The following PDE1C variants were observed in gnomAD, a reference collection of about 807,000 sequenced individuals.
The protein encoded by PDE1C is dual specificity calcium/calmodulin-dependent 3',5'-cyclic nucleotide phosphodiesterase 1C.
PDE1C carries 62 observed loss-of-function variants against 93.1 expected under a neutral mutation model. The ratio of observed to expected loss-of-function variants is 0.67; its 90% CI spans 0.54 to 0.82. The LOEUF (loss-of-function observed/expected upper bound fraction) is 0.82, where lower values mean the gene tolerates loss of function less well. Ranked by LOEUF, PDE1C falls within the 40% of genes least tolerant of loss-of-function variation. The pLI is 0.00. For synonymous variants in PDE1C, 325 were observed against 310.1 expected (o/e 1.05, Z -0.50); for missense variants, 742 against 884.6 (o/e 0.84, Z 2.04).
chr7:31,867,849 C>T (rs975022446), intron 6 of PDE1C, among the ~76,000 whole-genome samples: 9 of 152,216 alleles, frequency 5.9e-5, no homozygotes, highest in African/African-American at 2.2e-4. Context: ...TCAGGCCCAA[C>T]TGGCATCCCA....
chr7:31,880,054 T>C (rs369413976), intron 3 of PDE1C, among the ~76,000 whole-genome samples: 5 of 152,142 alleles, frequency 3.3e-5, no homozygotes, highest in African/African-American at 1.2e-4. Context: ...ATACAAATCT[T>C]AGATTACTGT....
intron 2 of PDE1C, among the ~76,000 whole-genome samples, chr7:31,882,253 G>A (rs1332721115): frequency 2.6e-5 from 4 of 152,160 alleles, no homozygotes. Context: ...ATCAGCAGAG[G>A]CCCCTGCAGG....
chr7:31,972,252 A>G (rs1311012293), intron 2 of PDE1C, among the ~76,000 whole-genome samples: 2 of 152,240 alleles, frequency 1.3e-5, no homozygotes, highest in Non-Finnish European at 2.9e-5. Context: ...ATTGCTGAGA[A>G]ATACATTTGG....
At chr7:31,803,704 A>G (rs1209272274) in intron 16 of PDE1C, among the ~76,000 whole-genome samples, 1 of 151,950 alleles carries the variant, frequency 6.6e-6, no homozygotes, top group East Asian at 1.9e-4. Context: ...AGTTTCATCC[A>G]TGTCCCTACA....
intron 3 of PDE1C, among the ~76,000 whole-genome samples, chr7:32,131,163 C>T (rs1193444430): frequency 6.6e-6 from 1 of 152,108 alleles, no homozygotes; most frequent in Admixed American, 6.6e-5. Flanking sequence ...ATTCAAGCAT[C>T]ACCTTTCAAA....
intron 2 of PDE1C, among the ~76,000 whole-genome samples, chr7:32,205,637 C>G (rs542256337): frequency 5.3e-5 from 8 of 152,292 alleles, no homozygotes; most frequent in South Asian, 2.1e-4. Flanking sequence ...TGCTTGTGCC[C>G]TGCAGAAGCT....
At chr7:31,987,200 G>T (rs568277270) in intron 2 of PDE1C, among the ~76,000 whole-genome samples, 16 of 152,204 alleles carry the variant, frequency 1.1e-4, no homozygotes, top group African/African-American at 1.9e-4. Flanking sequence ...AAAAAAGAAG[G>T]CTCTTTACAT....
intron 3 of PDE1C, among the ~76,000 whole-genome samples, chr7:32,166,852 T>A (rs940041816): frequency 6.6e-6 from 1 of 152,134 alleles, no homozygotes; most frequent in Admixed American, 6.5e-5. Flanking sequence ...AGTTTATAGA[T>A]GATATACTTA....
At chr7:31,908,553 G>C (rs1302572854) in intron 2 of PDE1C, among the ~76,000 whole-genome samples, 1 of 152,174 alleles carries the variant, frequency 6.6e-6, no homozygotes, top group Non-Finnish European at 1.5e-5. Flanking sequence ...GGAAAGTCAA[G>C]TCCATGACCT....
rs538246258 is a variant in PDE1C, at chr7:32,212,899, T to C, written c.86-3360A>G. The stretch of plus-strand genomic sequence containing the variant: ...AGGTTTCTTAGAATACAGTTTCTAA[T>C]TTGATGCATCTGGTGTGAGGCCCAA... On this transcript the variant is annotated intron_variant, in intron 1 of 18. Coordinates refer to the PDE1C transcript ENST00000396193. 2.0e-5 allele frequency among the ~76,000 whole-genome samples: 3 copies of C among 152,312 alleles called. No individual in the cohort carries two copies. The East Asian group carries it at 5.8e-4, about 29-fold the overall frequency.
At chr7:31,643,944 G>A in the PDE1C span, 3 of 1,608,742 alleles carry the variant, frequency 1.9e-6, no homozygotes, top group Non-Finnish European at 2.5e-6. Flanking sequence ...CAGTGAGGGA[G>A]CTATGTTCCG....
chr7:31,907,868 A>T (rs1031298510), intron 2 of PDE1C, among the ~76,000 whole-genome samples: 2 of 152,158 alleles, frequency 1.3e-5, no homozygotes, highest in Non-Finnish European at 2.9e-5. Flanking sequence ...AAAGAGGTGA[A>T]AATTACTCAT....
At chr7:32,339,010 G>GCACACACACA (rs57740255) in intron 1 of PDE1C, among the ~76,000 whole-genome samples, 63 of 138,544 alleles carry the variant, frequency 4.5e-4, no homozygotes, top group African/African-American at 1.6e-3. Flanking sequence ...CTCAAAAAAA[G>GCACACACACA]CACACACACA....
At chr7:31,960,898 G>C (rs904157160) in intron 2 of PDE1C, among the ~76,000 whole-genome samples, 6 of 152,180 alleles carry the variant, frequency 3.9e-5, no homozygotes, top group Non-Finnish European at 7.3e-5. Flanking sequence ...ATCTTTGTCA[G>C]TCATGCAGTT....
At chr7:32,135,062 A>C (rs1800127857) in intron 3 of PDE1C, among the ~76,000 whole-genome samples, 1 of 152,188 alleles carries the variant, frequency 6.6e-6, no homozygotes, top group South Asian at 2.1e-4. Context: ...GTGAAAGGGC[A>C]GAATAAAAAG....
At chr7:32,372,334 G>A (rs970621152) in intron 1 of PDE1C, among the ~76,000 whole-genome samples, 5 of 152,126 alleles carry the variant, frequency 3.3e-5, no homozygotes, top group African/African-American at 1.2e-4. Context: ...AATTACAGGC[G>A]TGAGCTACCA....
intron 2 of PDE1C, among the ~76,000 whole-genome samples, chr7:31,910,932 G>A (rs777267515): frequency 6.6e-6 from 1 of 152,110 alleles, no homozygotes; most frequent in Non-Finnish European, 1.5e-5. Flanking sequence ...GGCTTAATTC[G>A]ATAGGCTGGA....
chr7:32,052,789 G>C (rs1022288340), intron 1 of PDE1C, among the ~76,000 whole-genome samples: 8 of 152,152 alleles, frequency 5.3e-5, no homozygotes, highest in African/African-American at 1.9e-4. Flanking sequence ...AGAACCTACA[G>C]TGTGGTCTTG....
chr7:31,841,089 T>A (rs1214042995), intron 9 of PDE1C, among the ~76,000 whole-genome samples: 1 of 152,088 alleles, frequency 6.6e-6, no homozygotes, highest in East Asian at 1.9e-4. Flanking sequence ...TAATCTTTAG[T>A]GAACATGAGC....
Sources: allele counts gnomAD v4.1 joint callset (sites outside exome capture counted in the v4.1 genomes callset), GRCh38; gene constraint gnomAD v4.1.1; transcripts MANE v1.5; gene names NCBI Gene and HGNC (gene_info 2026-07-23, HGNC 2026-07-21).